Variants in MPDU1 observed in about 807,000 individuals in gnomAD.
The protein encoded by MPDU1 is mannose-P-dolichol utilization defect 1 protein.
Under a neutral mutation model 27.6 loss-of-function variants are expected in MPDU1, and 18 were observed. The ratio of observed to expected loss-of-function variants is 0.65; its 90% CI spans 0.45 to 0.97. The LOEUF is 0.97. Among genes scored for constraint, MPDU1 ranks in the 50% least tolerant of loss-of-function variants. MPDU1 has a pLI of 0.00. For synonymous variants in MPDU1, 142 were observed against 131.1 expected, an observed-to-expected ratio of 1.08 and a Z score of -0.57; for missense variants, 279 against 297.4, an observed-to-expected ratio of 0.94 and a Z score of 0.46.
At chr17:7,584,821 G>A (rs2071554188) in intron 1 of MPDU1, among the ~76,000 whole-genome samples, 1 of 151,992 alleles carries the variant, frequency 6.6e-6, no homozygotes, top group Admixed American at 6.6e-5. Context: ...GCGAAACCCC[G>A]CCTCTACTAA....
intron 3 of MPDU1, chr17:7,586,427 G>A (rs1383042634): frequency 3.8e-6 from 2 of 528,072 alleles, no homozygotes; most frequent in Admixed American, 3.1e-5. Context: ...CAACAAGAGC[G>A]AAACTCAGTC....
Position 7,587,523 on chromosome 17 carries a change from C to T in MPDU1, c.716C>T (p.Pro239Leu). Reference sequence around the variant, plus strand: ...CTGCTCTTCTACTGGAATGCAAAGCCTCCCCACAAGCAGAAAAAGGCGCAG... The same window carrying T: ...CTGCTCTTCTACTGGAATGCAAAGCTTCCCCACAAGCAGAAAAAGGCGCAG... ...AQLLFYWNAK[P>L]PHKQKKAQ Residue 239 changes from proline (P) to leucine (L), a missense_variant, in exon 7 of 7, where the codon CCT becomes CTT. Coordinates refer to ENST00000250124, the MANE Select transcript of MPDU1 (RefSeq NM_004870.4). The T allele has an allele frequency of 6.2e-7, 1 of 1,613,602 alleles. No individual in the cohort carries two copies. The highest frequency in any genetic ancestry group is 8.5e-7 in the Non-Finnish European group (1 of 1,179,946).
intron 1 of MPDU1, among the ~76,000 whole-genome samples, chr17:7,585,208 G>A (rs1211664119): frequency 1.3e-5 from 2 of 152,042 alleles, no homozygotes; most frequent in Non-Finnish European, 2.9e-5. Context: ...GGATGTGGGG[G>A]GTGGTAGGCA....
chr17:7,583,881 G>C lies in MPDU1; in HGVS notation c.19G>C (p.Gly7Arg). 7 of 1,614,112 alleles carry C rather than the reference G, an allele frequency of 4.3e-6. No individual in the cohort carries two copies. The highest frequency in any genetic ancestry group is 5.9e-6 in the Non-Finnish European group (7 of 1,180,044). ...TTGCAATATGGCGGCCGAGGCGGAC[G>C]GACCGCTTAAACGGCTGCTCGTGCC... is the stretch of plus-strand genomic sequence containing the variant. Reference protein sequence around the residue: MAAEADGPLKRLLVPIL... With the variant: MAAEADRPLKRLLVPIL... Residue 7 changes from glycine (G) to arginine (R), a missense_variant, in exon 1 of 7, where the codon GGA becomes CGA. By Grantham distance (125) the Gly-to-Arg change is moderately radical. Transcript: ENST00000250124.
rs189610483 is a variant in MPDU1, at chr17:7,584,112, C to T, written c.103+147C>T. 1,133 of 817,236 alleles carry T rather than the reference C, an allele frequency of 1.4e-3. 13 individuals carry two copies. The highest frequency in any genetic ancestry group is 5.6e-4 in the Non-Finnish European group (266 of 478,226). The allele number at this position is 817,236 out of a possible 1,614,324, so 50.6% of individuals were successfully genotyped here. A position where few individuals can be genotyped will look rare whatever the true frequency, so the allele number is the denominator to read the frequency against. ...ACTTCTGAGAAGGGCGGAAGTGTCT[C>T]GGGCTCCTTAGAGGGAGGACACCAT... On this transcript the variant is annotated intron_variant, in intron 1 of 6. Coordinates refer to ENST00000250124, the MANE Select transcript of MPDU1 (RefSeq NM_004870.4).
chr17:7,584,185 G>T, intron 1 of MPDU1: 1 of 615,590 alleles, frequency 1.6e-6, no homozygotes, highest in Non-Finnish European at 2.9e-6. Flanking sequence ...TCTTTGTGGA[G>T]TTTGTGCTGT....
Position 7,586,036 on chromosome 17 carries a change from C to T in MPDU1, c.260C>T (p.Thr87Ile), listed in dbSNP as rs544153555. The T allele has an allele frequency of 2.2e-5, 36 of 1,614,090 alleles. No homozygotes were observed. In the South Asian group the frequency reaches 3.7e-4, roughly 17 times the overall value. Reference protein sequence around the residue: ...QSVMLELVALTGTMVYSITNN... With the variant: ...QSVMLELVALIGTMVYSITNN... ...GTAATGCTGGAGCTAGTGGCATTGA[C>T]TGGGACCATGGTCTACAGCATCACT... is the stretch of plus-strand genomic sequence containing the variant. Residue 87 changes from threonine (T) to isoleucine (I), a missense_variant, in exon 3 of 7, where the codon ACT (threonine) becomes ATT (isoleucine). Thr to Ile is a moderately conservative substitution (Grantham distance 89). Transcript: ENST00000250124.
chr17:7,586,093 C>T lies in MPDU1; in HGVS notation c.302+15C>T. On this transcript the variant is annotated intron_variant, in intron 3 of 6. Coordinates refer to ENST00000250124, the MANE Select transcript of MPDU1 (RefSeq NM_004870.4). ...TTCCCATTCAGGTGAGGGGCCCACC[C>T]TTCCACCCCAAGGGTAATACCCACA... The T allele has an allele frequency of 6.2e-7, 1 of 1,612,966 alleles. No individual in the cohort carries two copies. The highest frequency in any genetic ancestry group is 8.5e-7 in the Non-Finnish European group (1 of 1,179,886).
upstream of MPDU1, chr17:7,583,809 C>G: frequency 6.3e-7 from 1 of 1,580,460 alleles, no homozygotes. Context: ...AGCGCGCACG[C>G]GCAACGAAAG....
chr17:7,584,770 T>A (rs2071553027), intron 1 of MPDU1, among the ~76,000 whole-genome samples: 1 of 152,108 alleles, frequency 6.6e-6, no homozygotes, highest in Non-Finnish European at 1.5e-5. Flanking sequence ...AGCGGGTGGA[T>A]CACCTGAGGT....
Position 7,583,872 on chromosome 17 carries a change from G to C in MPDU1, c.10G>C (p.Glu4Gln). The stretch of plus-strand genomic sequence containing the variant: ...AAGCTAGCTTTGCAATATGGCGGCC[G>C]AGGCGGACGGACCGCTTAAACGGCT... MAA[E>Q]ADGPLKRLLV... Residue 4 changes from glutamate to glutamine, a missense_variant, in exon 1 of 7, where the codon GAG becomes CAG. By Grantham distance (29) the Glu-to-Gln change is conservative. Transcript: ENST00000250124. 6.2e-7 allele frequency: 1 copy of C among 1,614,086 alleles called. No homozygotes were observed. Among genetic ancestry groups the C allele is most frequent in the Non-Finnish European group, 8.5e-7 (1 of 1,180,032 alleles).
At chr17:7,586,244 G>A (rs1280918431) in intron 3 of MPDU1, 166 bp downstream of exon 3, 19 of 784,962 alleles carry the variant, frequency 2.4e-5, no homozygotes, top group Non-Finnish European at 3.6e-5. Context: ...TCAGGAGTTC[G>A]AACTGGCCAA....
At chr17:7,585,589 C>A in intron 1 of MPDU1, 143 bp from the exon 2 acceptor site, 1 of 734,332 alleles carries the variant, frequency 1.4e-6, no homozygotes, top group Non-Finnish European at 2.4e-6. Context: ...AGGACTTTCT[C>A]ACTGCCCTCC....
Position 7,586,755 on chromosome 17 carries a change from C to CA in MPDU1, c.366_367insA (p.Tyr123IlefsTer179). The CA allele has an allele frequency of 6.2e-7, 1 of 1,614,152 alleles. No homozygotes were observed. The highest frequency in any genetic ancestry group is 8.5e-7 in the Non-Finnish European group (1 of 1,180,028). ...TCACCATCTGCTTCCTGGTCATGCACTACAGAGGACAGACTGTGAAAGGTG... is the reference window on the plus strand; with the variant it reads ...TCACCATCTGCTTCCTGGTCATGCACATACAGAGGACAGACTGTGAAAGGTG... On this transcript the variant is annotated frameshift_variant, in exon 4 of 7. Transcript: ENST00000250124. LOFTEE classifies it high-confidence loss of function.
In MPDU1 at chr17:7,585,784, T is replaced by C; in HGVS notation, c.156T>C (p.Ala52=). Residue 52 remains alanine, a synonymous_variant, in exon 2 of 7, where the codon GCT becomes GCC. Transcript: ENST00000250124. ...LSKGLGLGIV[A]GSLLVKLPQV... is the part of the protein sequence containing the mutation. ...AAGGCCTGGGGCTGGGCATTGTGGC[T>C]GGCTCACTTCTAGGTATGTCTCTTA... is the stretch of plus-strand genomic sequence containing the variant. The C allele has an allele frequency of 6.2e-7, 1 of 1,614,202 alleles. No individual in the cohort carries two copies. Among genetic ancestry groups the C allele is most frequent in the Non-Finnish European group, 8.5e-7 (1 of 1,180,012 alleles).
In MPDU1 at chr17:7,586,298, G is replaced by T. The variant is rs2071581571; in HGVS notation, c.302+220G>T. On this transcript the variant is annotated intron_variant, in intron 3 of 6. Transcript: ENST00000250124. ...CTACTAAAAATACAAAATTAGCTGG[G>T]TGTGGTGATGGGCACCTGTAATCCC... is the stretch of plus-strand genomic sequence containing the variant. The T allele has an allele frequency of 2.3e-5, 13 of 571,952 alleles. 1 individual carries two copies. The South Asian group carries it at 2.4e-4, about 10-fold the overall frequency. 35.4% of individuals were successfully genotyped at this position (571,952 alleles called of 1,614,324 possible).
At chr17:7,585,903 G>A (rs1196002552) in intron 2 of MPDU1, 43 bp from the exon 3 acceptor site, 4 of 1,613,986 alleles carry the variant, frequency 2.5e-6, no homozygotes, top group South Asian at 1.1e-5. Flanking sequence ...GCATCCCAAA[G>A]AATGGAGAGT....
chr17:7,584,352 G>C, intron 1 of MPDU1: 1 of 455,240 alleles, frequency 2.2e-6, no homozygotes, highest in Non-Finnish European at 4.0e-6. Context: ...CCGCCACCCT[G>C]ATTGCTTTCT....
chr17:7,586,856 G>C, intron 4 of MPDU1, 43 bp from the exon 5 acceptor site: 1 of 1,611,868 alleles, frequency 6.2e-7, no homozygotes, highest in South Asian at 1.1e-5. Flanking sequence ...AAAGCCAAAT[G>C]ATGTGGAGAG....
Sources: gnomAD v4.1 joint callset for allele counts (sites outside exome capture counted in the v4.1 genomes callset) on GRCh38, gnomAD v4.1.1 for gene constraint, MANE v1.5 for transcripts, NCBI Gene and HGNC (gene_info 2026-07-23, HGNC 2026-07-21) for gene names.